The following CTNNA3 variants were observed in gnomAD, a reference collection of about 807,000 sequenced individuals.
CTNNA3 encodes catenin alpha-3.
CTNNA3 carries 76 observed loss-of-function variants against 95.7 expected under a neutral mutation model. The observed-to-expected ratio is 0.79, with a 90% CI of 0.66 to 0.96. The LOEUF (loss-of-function observed/expected upper bound fraction) is 0.96. Among genes scored for constraint, CTNNA3 ranks in the 40% least tolerant of loss-of-function variants. The pLI is 0.00. For missense variants in CTNNA3, 1,191 were observed against 1,089.8 expected (o/e 1.09, Z -1.31); for synonymous variants, 431 against 374.4 (o/e 1.15, Z -1.74).
intron 10 of CTNNA3, among the ~76,000 whole-genome samples, chr10:66,541,567 G>C (rs1013129241): frequency 6.6e-6 from 1 of 151,980 alleles, no homozygotes; most frequent in Non-Finnish European, 1.5e-5. Context: ...TGTATTGTTA[G>C]GTAAAATGTT....
chr10:67,750,482 G>A, intron 1 of CTNNA3: 1 of 1,531,110 alleles, frequency 6.5e-7, no homozygotes, highest in Non-Finnish European at 9.0e-7. Context: ...CCAAGAGAAG[G>A]CTGTAAAGCG....
chr10:66,978,941 C>T (rs889407241), intron 7 of CTNNA3, among the ~76,000 whole-genome samples: 2 of 148,962 alleles, frequency 1.3e-5, no homozygotes, highest in African/African-American at 4.9e-5. Flanking sequence ...TAAATAGCCA[C>T]TCCTCACATA....
chr10:67,650,359 G>A (rs552594469), intron 1 of CTNNA3, among the ~76,000 whole-genome samples: 2 of 152,148 alleles, frequency 1.3e-5, no homozygotes, highest in Non-Finnish European at 2.9e-5. Flanking sequence ...GAAAAAGTAC[G>A]CTTTATAAAT....
intron 5 of CTNNA3, among the ~76,000 whole-genome samples, chr10:67,433,802 C>T (rs1589285477): frequency 1.3e-5 from 2 of 152,020 alleles, no homozygotes; most frequent in South Asian, 2.1e-4. Flanking sequence ...GACACCACTT[C>T]GCACAATAGC....
chr10:66,993,387 C>A (rs1283859487), intron 7 of CTNNA3, among the ~76,000 whole-genome samples: 4 of 152,080 alleles, frequency 2.6e-5, no homozygotes, highest in Non-Finnish European at 5.9e-5. Context: ...GTAGACTGCA[C>A]CTCTTGATGG....
At chr10:66,120,706 A>G (rs1352260117) in intron 13 of CTNNA3, among the ~76,000 whole-genome samples, 3 of 152,194 alleles carry the variant, frequency 2.0e-5, no homozygotes, top group African/African-American at 7.2e-5. Context: ...TTGTTTTGTT[A>G]GATAATTGAA....
intron 14 of CTNNA3, among the ~76,000 whole-genome samples, chr10:66,075,585 A>G (rs1589331626): frequency 6.6e-6 from 1 of 151,968 alleles, no homozygotes. Context: ...CATGTAGCCT[A>G]CCTCACAGAG....
In CTNNA3 at chr10:67,101,182, C is replaced by T. The variant is rs982586414; in HGVS notation, c.1047+79135G>A. 4.6e-5 allele frequency among the ~76,000 whole-genome samples: 7 copies of T among 151,574 alleles called. No homozygotes were observed. In the South Asian group the frequency reaches 1.2e-3, roughly 27 times the overall value. On this transcript the variant is annotated intron_variant, in intron 7 of 17. Coordinates refer to ENST00000433211, the MANE Select transcript of CTNNA3 (RefSeq NM_013266.4). ...CCAAGATGTGGATGCATGTAGGCCC[C>T]GAGGTACAGACATAAAATCAAGGAA...
chr10:66,227,888 G>C (rs2089398105), intron 13 of CTNNA3, among the ~76,000 whole-genome samples: 4 of 152,048 alleles, frequency 2.6e-5, no homozygotes, highest in South Asian at 4.1e-4. Context: ...AATTCTTCCT[G>C]GTTCAGTCTT....
chr10:65,966,552 T>TA (rs1271347783), intron 17 of CTNNA3, 60 bp downstream of exon 17: 8 of 1,429,006 alleles, frequency 5.6e-6, no homozygotes, highest in Non-Finnish European at 7.6e-6. Context: ...AACAAGGGTG[T>TA]AGTTACTCTG....
At chr10:66,532,224 A>G (rs1427110325) in intron 10 of CTNNA3, among the ~76,000 whole-genome samples, 1 of 152,166 alleles carries the variant, frequency 6.6e-6, no homozygotes, top group Non-Finnish European at 1.5e-5. Flanking sequence ...GCCTTTTAGG[A>G]GGCTGAGGGA....
At chr10:67,701,027 T>C (rs1331917356), upstream of CTNNA3, among the ~76,000 whole-genome samples, 1 of 151,864 alleles carries the variant, frequency 6.6e-6, no homozygotes, top group African/African-American at 2.4e-5. Flanking sequence ...AGTGTATCAG[T>C]GATGGAAGAT....
At chr10:66,928,921 T>C (rs1162428764) in intron 7 of CTNNA3, among the ~76,000 whole-genome samples, 1 of 152,168 alleles carries the variant, frequency 6.6e-6, no homozygotes, top group Non-Finnish European at 1.5e-5. Context: ...GACTCAGTTA[T>C]GGGAACATTT....
intron 7 of CTNNA3, among the ~76,000 whole-genome samples, chr10:67,146,005 T>C (rs1860825402): frequency 6.6e-6 from 1 of 152,154 alleles, no homozygotes; most frequent in African/African-American, 2.4e-5. Flanking sequence ...TGTTGTCAGG[T>C]GTTCCAAGTG....
intron 5 of CTNNA3, among the ~76,000 whole-genome samples, chr10:67,391,129 G>A (rs1844457064): frequency 6.6e-6 from 1 of 151,944 alleles, no homozygotes; most frequent in South Asian, 2.1e-4. Context: ...CCTGTTTGCA[G>A]ACGACATGAT....
intron 7 of CTNNA3, among the ~76,000 whole-genome samples, chr10:66,915,686 C>T (rs567167504): frequency 5.2e-4 from 77 of 149,296 alleles, no homozygotes; most frequent in African/African-American, 1.8e-3. Context: ...TGGAAAGCTT[C>T]GGCATTTGAC....
At chr10:66,652,652 A>G (rs1418873960) in intron 9 of CTNNA3, among the ~76,000 whole-genome samples, 3 of 152,196 alleles carry the variant, frequency 2.0e-5, no homozygotes, top group Admixed American at 6.5e-5. Context: ...GGTTAGCATT[A>G]CCACCATACC....
At chr10:66,044,903 A>G (rs2079795189) in intron 15 of CTNNA3, among the ~76,000 whole-genome samples, 1 of 152,224 alleles carries the variant, frequency 6.6e-6, no homozygotes, top group African/African-American at 2.4e-5. Context: ...CCTCATTTTA[A>G]TAATGACAAA....
intron 14 of CTNNA3, among the ~76,000 whole-genome samples, chr10:66,093,654 A>G (rs1163144640): frequency 6.6e-6 from 1 of 152,114 alleles, no homozygotes; most frequent in Non-Finnish European, 1.5e-5. Flanking sequence ...TTCGGCAAAC[A>G]AGCAGATCAA....
Sources: allele counts gnomAD v4.1 joint callset (sites outside exome capture counted in the v4.1 genomes callset), GRCh38; gene constraint gnomAD v4.1.1; transcripts MANE v1.5; gene names NCBI Gene and HGNC (gene_info 2026-07-23, HGNC 2026-07-21).